RBM33: variants seen among roughly 807,000 people sequenced by gnomAD.
RBM33 encodes the protein RNA binding motif protein 33.
A neutral mutation model predicts 132.6 loss-of-function variants in RBM33; 28 were observed. The ratio of observed to expected loss-of-function variants is 0.21; its 90% CI spans 0.16 to 0.29. The LOEUF (loss-of-function observed/expected upper bound fraction) is 0.29. RBM33 is among the 10% of genes least tolerant of loss of function. The pLI is 1.00. For missense variants in RBM33, 1,291 were observed against 1,518.5 expected (o/e 0.85, Z 2.49); for synonymous variants, 634 against 593.0 (o/e 1.07, Z -1.01).
At chr7:155,672,765 A>T in intron 2 of RBM33, 102 bp from the exon 3 acceptor site, 94 of 490,994 alleles carry the variant, frequency 1.9e-4, no homozygotes, top group Middle Eastern at 4.7e-4. Context: ...AAAAAAAAAA[A>T]GGTACCTGAG....
intron 1 of RBM33, among the ~76,000 whole-genome samples, chr7:155,647,076 T>C (rs937369511): frequency 1.3e-5 from 2 of 152,242 alleles, no homozygotes; most frequent in African/African-American, 4.8e-5. Flanking sequence ...ATTTGGCAGC[T>C]CAGTTTAGCA....
intron 5 of RBM33, among the ~76,000 whole-genome samples, chr7:155,681,344 T>C (rs1585430937): frequency 6.6e-6 from 1 of 152,214 alleles, no homozygotes; most frequent in African/African-American, 2.4e-5. Flanking sequence ...ATTCATCCTT[T>C]TTGTAGATGA....
intron 9 of RBM33, among the ~76,000 whole-genome samples, chr7:155,725,507 A>G (rs1800769293): frequency 1.3e-5 from 2 of 152,196 alleles, no homozygotes; most frequent in Non-Finnish European, 2.9e-5. Context: ...AAACTGAGAA[A>G]AAAACATAGA....
chr7:155,704,339 G>A lies in RBM33; in HGVS notation c.740-2521G>A, dbSNP rs770498112. Among the ~76,000 whole-genome samples the A allele has an allele frequency of 9.2e-5, 14 of 152,212 alleles. No homozygotes were observed. The Middle Eastern group carries it at 0.01, about 111-fold the overall frequency. ...AAAAGATTTGAGTGACAGTGTTCTC[G>A]GTTTTCCCAAGGACGATACAGAACT... is the stretch of plus-strand genomic sequence containing the variant. On this transcript the variant is annotated intron_variant, in intron 6 of 17. Transcript: ENST00000401878.
intron 7 of RBM33, among the ~76,000 whole-genome samples, chr7:155,708,636 G>A (rs1800187087): frequency 6.6e-6 from 1 of 152,164 alleles, no homozygotes; most frequent in Admixed American, 6.5e-5. Flanking sequence ...TGTATCTCTG[G>A]ATTGTAATGT....
At chr7:155,744,377 T>A (rs940738473) in intron 13 of RBM33, among the ~76,000 whole-genome samples, 2 of 152,242 alleles carry the variant, frequency 1.3e-5, no homozygotes, top group African/African-American at 4.8e-5. Context: ...AGGCGTTCCT[T>A]ATATACCATT....
rs1448685926 is a variant in RBM33, at chr7:155,775,072, T to G, written c.*31T>G. ...AACAAGAGAGCCTGACCTTAGGCTG[T>G]ACACACACTGTGGAATTTCTTCAAG... On this transcript the variant is annotated 3_prime_UTR_variant, in exon 18 of 18. Coordinates refer to ENST00000401878, the MANE Select transcript of RBM33 (RefSeq NM_053043.3). 1.3e-6 allele frequency: 2 copies of G among 1,595,350 alleles called. No individual in the cohort carries two copies. Among genetic ancestry groups the G allele is most frequent in the Non-Finnish European group, 1.7e-6 (2 of 1,162,872 alleles).
At chr7:155,678,309 T>A (rs991560570) in intron 3 of RBM33, among the ~76,000 whole-genome samples, 18 of 152,236 alleles carry the variant, frequency 1.2e-4, no homozygotes, top group African/African-American at 3.9e-4. Flanking sequence ...GAAATATTAT[T>A]TGTTCGTAAG....
chr7:155,738,732 GT>G (rs1175157197), intron 11 of RBM33: 3 of 264,762 alleles, frequency 1.1e-5, no homozygotes, highest in African/African-American at 6.8e-5. Context: ...AGGTTTACCA[GT>G]GGAAATACTT....
At chr7:155,714,953 C>T (rs1800416283) in intron 8 of RBM33, among the ~76,000 whole-genome samples, 1 of 151,830 alleles carries the variant, frequency 6.6e-6, no homozygotes. Flanking sequence ...TTGACAGTGT[C>T]TGCGGGTCAC....
chr7:155,775,397 G>A lies in RBM33; in HGVS notation c.*356G>A, dbSNP rs777770045. 4 of 411,022 alleles carry A rather than the reference G, an allele frequency of 9.7e-6. No homozygotes were observed. The highest frequency in any genetic ancestry group is 1.0e-4 in the East Asian group (2 of 19,594). The allele number at this position is 411,022 out of a possible 1,614,324, so 25.5% of individuals were successfully genotyped here. On this transcript the variant is annotated 3_prime_UTR_variant, in exon 18 of 18. Transcript: ENST00000401878. Reference sequence around the variant, plus strand: ...CTTAGATTCAGGAAAGAACATTAACGTCACAAGTTCTAAGTAGTTTTCACA... The same window carrying A: ...CTTAGATTCAGGAAAGAACATTAACATCACAAGTTCTAAGTAGTTTTCACA...
intron 3 of RBM33, among the ~76,000 whole-genome samples, chr7:155,673,385 ATATC>A (rs1798998474): frequency 7.0e-6 from 1 of 143,152 alleles, no homozygotes; most frequent in Non-Finnish European, 1.5e-5. Flanking sequence ...AAAAATTTGT[ATATC>A]TATTTATATA....
chr7:155,670,427 T>C (rs1268566971), intron 2 of RBM33, among the ~76,000 whole-genome samples: 1 of 152,222 alleles, frequency 6.6e-6, no homozygotes, highest in East Asian at 1.9e-4. Flanking sequence ...GTTTTACATA[T>C]GTAATAAATT....
chr7:155,664,383 C>A (rs2116890174), intron 1 of RBM33, among the ~76,000 whole-genome samples: 1 of 151,578 alleles, frequency 6.6e-6, no homozygotes, highest in South Asian at 2.1e-4. Context: ...TCCCAAGTAG[C>A]TGGGATAGCT....
chr7:155,730,645 C>T (rs1356296753), intron 9 of RBM33, among the ~76,000 whole-genome samples: 1 of 152,224 alleles, frequency 6.6e-6, no homozygotes. Context: ...TGCTGCTTCT[C>T]AGCCTGAGCA....
rs551830457 is a variant in RBM33, at chr7:155,686,494, T to C, written c.567+5586T>C. Among the ~76,000 whole-genome samples, 28 of 152,162 alleles carry C rather than the reference T, an allele frequency of 1.8e-4. 1 individual carries two copies. The South Asian group carries it at 5.8e-3, about 32-fold the overall frequency. ...TATTTTTTTTCTTTTTTTTTTTAAA[T>C]TATATTTTAAGTTCTAGGGTACATG... On this transcript the variant is annotated intron_variant, in intron 5 of 17. Transcript: ENST00000401878.
rs534953106 is a variant in RBM33 at position 155,775,157 on chromosome 7, C to G, written c.*116C>G. On this transcript the variant is annotated 3_prime_UTR_variant, in exon 18 of 18. Transcript: ENST00000401878. ...CAGGTCTCTCCGGGCCGCTGTCCTG[C>G]GTAACTGTTCTCCAGAGCGCCAGCC... 6 of 915,200 alleles carry G rather than the reference C, an allele frequency of 6.6e-6. No homozygotes were observed. The Admixed American group carries it at 9.4e-5, about 14-fold the overall frequency. The allele number at this position is 915,200 out of a possible 1,614,324, so 56.7% of individuals were successfully genotyped here.
At chr7:155,766,243 G>C (rs989095806) in intron 15 of RBM33, among the ~76,000 whole-genome samples, 9 of 152,156 alleles carry the variant, frequency 5.9e-5, no homozygotes, top group South Asian at 2.1e-4. Flanking sequence ...TGCAGGCTTC[G>C]TCAGCTCCCT....
intron 1 of RBM33, among the ~76,000 whole-genome samples, chr7:155,653,112 C>T (rs1798400711): frequency 6.6e-6 from 1 of 152,036 alleles, no homozygotes; most frequent in African/African-American, 2.4e-5. Context: ...TCAATAGACA[C>T]TTGAGTTGCT....
Sources: gnomAD v4.1 joint callset for allele counts (sites outside exome capture counted in the v4.1 genomes callset) on GRCh38, gnomAD v4.1.1 for gene constraint, MANE v1.5 for transcripts, NCBI Gene and HGNC (gene_info 2026-07-23, HGNC 2026-07-21) for gene names.